The following GMDS variants were observed in gnomAD, a reference collection of about 807,000 sequenced individuals.
The protein encoded by GMDS is GDP-mannose 4,6 dehydratase.
A neutral mutation model predicts 49.9 loss-of-function variants in GMDS; 20 were observed. That is an observed-to-expected ratio of 0.40 (90% CI 0.28 to 0.58). The LOEUF is 0.58. Ranked by LOEUF, GMDS falls within the 20% of genes least tolerant of loss-of-function variation. GMDS has a pLI of 0.42. For missense variants in GMDS, 362 were observed against 481.4 expected, an observed-to-expected ratio of 0.75 and a Z score of 2.32; for synonymous variants, 177 against 178.6, an observed-to-expected ratio of 0.99 and a Z score of 0.07.
At chr6:2,197,926 G>A (rs978281439) in intron 1 of GMDS, among the ~76,000 whole-genome samples, 1 of 152,164 alleles carries the variant, frequency 6.6e-6, no homozygotes, top group Non-Finnish European at 1.5e-5. Flanking sequence ...GGTACCAGTG[G>A]AGGATGCGTG....
chr6:1,820,901 G>A (rs1316662852), intron 7 of GMDS, among the ~76,000 whole-genome samples: 1 of 152,202 alleles, frequency 6.6e-6, no homozygotes, highest in Non-Finnish European at 1.5e-5. Context: ...CCACTGGGTG[G>A]TCCTGCACGC....
At chr6:1,723,312 C>T (rs67558222) in intron 9 of GMDS, among the ~76,000 whole-genome samples, 109,189 of 138,832 alleles carry the variant, frequency 0.79, 42,076 homozygotes, top group East Asian at 0.92. Context: ...TTTTTTTTTT[C>T]AAATTTTCTT....
At chr6:1,644,512 C>T (rs557613367) in intron 9 of GMDS, among the ~76,000 whole-genome samples, 1 of 152,352 alleles carries the variant, frequency 6.6e-6, no homozygotes, top group East Asian at 1.9e-4. Context: ...TTCCTCCCTT[C>T]CCAAGTTCCC....
chr6:1,819,777 ATAT>A lies in GMDS; in HGVS notation c.772-77194_772-77192del, dbSNP rs142863685. Among the ~76,000 whole-genome samples the A allele has an allele frequency of 7.7e-3, 493 of 64,124 alleles. 2 individuals are homozygous for A. The highest frequency in any genetic ancestry group is 9.3e-3 in the Non-Finnish European group (273 of 29,378). 42.1% of individuals were successfully genotyped at this position (64,124 alleles called of 152,430 possible). On this transcript the variant is annotated intron_variant, in intron 7 of 10. Transcript: ENST00000380815. ...CTCTGCCTCAAAAAAAAAAAAAAAAATATATATATATATATATATATCTACCTT... is the reference window on the plus strand; with the variant it reads ...CTCTGCCTCAAAAAAAAAAAAAAAAAATATATATATATATATATCTACCTT...
At chr6:1,835,818 G>A (rs1756897087) in intron 7 of GMDS, among the ~76,000 whole-genome samples, 1 of 151,986 alleles carries the variant, frequency 6.6e-6, no homozygotes, top group African/African-American at 2.4e-5. Context: ...TCAATTTAAT[G>A]TTCATGGGAG....
intron 7 of GMDS, among the ~76,000 whole-genome samples, chr6:1,820,910 G>A (rs1342685701): frequency 1.3e-5 from 2 of 152,196 alleles, no homozygotes; most frequent in South Asian, 2.1e-4. Context: ...GGTCCTGCAC[G>A]CATGGGCATG....
chr6:2,141,809 C>T (rs2127528832), intron 1 of GMDS, among the ~76,000 whole-genome samples: 1 of 152,230 alleles, frequency 6.6e-6, no homozygotes, highest in African/African-American at 2.4e-5. Flanking sequence ...ACTGACTCAG[C>T]ACGGCTGCGA....
intron 7 of GMDS, among the ~76,000 whole-genome samples, chr6:1,843,709 G>T (rs148648685): frequency 6.6e-6 from 1 of 152,186 alleles, no homozygotes. Flanking sequence ...TGGAGGTTGC[G>T]CTGAGCAGAG....
chr6:1,778,421 G>A lies in GMDS; in HGVS notation c.772-35835C>T, dbSNP rs181332719. Among the ~76,000 whole-genome samples, 19 of 152,324 alleles carry A rather than the reference G, an allele frequency of 1.2e-4. No homozygotes were observed. The highest frequency in any genetic ancestry group is 4.1e-4 in the South Asian group (2 of 4,820). On this transcript the variant is annotated intron_variant, in intron 7 of 10. Transcript: ENST00000380815. This position sits in a 1 kb window ranked among gnomAD's most constrained non-coding sequence, Gnocchi z 4.6. ...TAAAGGTTCAGTGGAGACAGCAGAC[G>A]AGTGGAACGGCGGGCACTGTGCTGA...
chr6:1,905,392 G>T (rs189853160), intron 7 of GMDS, among the ~76,000 whole-genome samples: 18 of 95,870 alleles, frequency 1.9e-4, no homozygotes, highest in African/African-American at 4.0e-4. Context: ...GGGTGCTGGC[G>T]TGTAGGTGGG....
chr6:1,996,049 T>A (rs190147037), intron 4 of GMDS, among the ~76,000 whole-genome samples: 1 of 152,242 alleles, frequency 6.6e-6, no homozygotes, highest in Admixed American at 6.5e-5. Flanking sequence ...GGCTTTGGGA[T>A]AGCCTCTTCT....
chr6:1,921,807 TTTAG>T (rs2113904838), intron 7 of GMDS, among the ~76,000 whole-genome samples: 1 of 152,356 alleles, frequency 6.6e-6, no homozygotes, highest in African/African-American at 2.4e-5. Context: ...AGACTATTTA[TTTAG>T]TTATTTTCAT....
chr6:2,128,098 A>G (rs555482768), intron 1 of GMDS, among the ~76,000 whole-genome samples: 1 of 152,082 alleles, frequency 6.6e-6, no homozygotes, highest in Non-Finnish European at 1.5e-5. Flanking sequence ...TATTAAGGGT[A>G]TCTATTTTAT....
At chr6:1,711,308 C>G (rs1340481441) in intron 9 of GMDS, among the ~76,000 whole-genome samples, 1 of 152,214 alleles carries the variant, frequency 6.6e-6, no homozygotes, top group Admixed American at 6.5e-5. Flanking sequence ...GTCCACCGCT[C>G]AAGTGGTTTG....
chr6:2,097,758 C>G (rs1773692264), intron 4 of GMDS, among the ~76,000 whole-genome samples: 1 of 152,104 alleles, frequency 6.6e-6, no homozygotes, highest in South Asian at 2.1e-4. Flanking sequence ...GCCCTAAAAC[C>G]TAGCTGTTTG....
chr6:2,151,229 A>T (rs1374763841), intron 1 of GMDS, among the ~76,000 whole-genome samples: 1 of 152,110 alleles, frequency 6.6e-6, no homozygotes, highest in Non-Finnish European at 1.5e-5. Flanking sequence ...CATTCCATTT[A>T]CCCTGATGTG....
intron 1 of GMDS, among the ~76,000 whole-genome samples, chr6:2,172,031 G>A (rs926402779): frequency 1.3e-5 from 2 of 152,040 alleles, no homozygotes; most frequent in Non-Finnish European, 2.9e-5. Flanking sequence ...CACTACGGAA[G>A]ACATCAAAGA....
chr6:1,823,498 C>T (rs3778530), intron 7 of GMDS, among the ~76,000 whole-genome samples: 87,464 of 151,874 alleles, frequency 0.58, 26,100 homozygotes, highest in African/African-American at 0.73. Context: ...GTGGAAAGAC[C>T]CTGGGCTCCT....
intron 7 of GMDS, among the ~76,000 whole-genome samples, chr6:1,824,165 G>T (rs1771008171): frequency 1.3e-5 from 2 of 152,020 alleles, no homozygotes; most frequent in Non-Finnish European, 2.9e-5. Context: ...CTTTAGCCCG[G>T]GACCCTTGAA....
Sources: gnomAD v4.1 joint callset for allele counts (sites outside exome capture counted in the v4.1 genomes callset) on GRCh38, gnomAD v4.1.1 for gene constraint, Gnocchi (gnomAD v3.1) non-coding constraint, MANE v1.5 for transcripts, NCBI Gene and HGNC (gene_info 2026-07-23, HGNC 2026-07-21) for gene names.